TSHR: variants seen among roughly 807,000 people sequenced by gnomAD.
TSHR encodes the protein thyroid stimulating hormone receptor, also known as thyrotropin receptor.
TSHR carries 51 observed loss-of-function variants against 64.1 expected under a neutral mutation model. That is an observed-to-expected ratio of 0.80 (90% CI 0.64 to 1.01). TSHR has a LOEUF of 1.01. Ranked by LOEUF, TSHR falls within the 50% of genes least tolerant of loss-of-function variation. TSHR has a pLI of 0.00. For missense variants in TSHR, 877 were observed against 942.8 expected, an observed-to-expected ratio of 0.93 and a Z score of 0.91; for synonymous variants, 361 against 361.9, an observed-to-expected ratio of 1.00 and a Z score of 0.03.
intron 1 of TSHR, among the ~76,000 whole-genome samples, chr14:80,999,932 TTTC>T (rs1270202344): frequency 4.0e-5 from 6 of 149,636 alleles, no homozygotes; most frequent in African/African-American, 9.9e-5. Context: ...TTTTCTTTTT[TTTC>T]TTTTTTTTTT....
intron 1 of TSHR, among the ~76,000 whole-genome samples, chr14:80,957,231 C>T (rs1416784191): frequency 6.6e-6 from 1 of 152,136 alleles, no homozygotes; most frequent in Non-Finnish European, 1.5e-5. Flanking sequence ...CTGGATCAAC[C>T]CTGCAGGAAG....
intron 9 of TSHR, among the ~76,000 whole-genome samples, chr14:81,140,543 C>T (rs910587658): frequency 6.6e-6 from 1 of 152,172 alleles, no homozygotes. Context: ...CTATGATATA[C>T]AGTATGTGCA....
At chr14:81,136,530 A>C (rs1192212544) in intron 8 of TSHR, among the ~76,000 whole-genome samples, 2 of 152,300 alleles carry the variant, frequency 1.3e-5, no homozygotes, top group East Asian at 3.9e-4. Context: ...TGAAAAGATA[A>C]GTTTTGAAAG....
intron 1 of TSHR, among the ~76,000 whole-genome samples, chr14:80,970,906 C>G (rs1566742168): frequency 6.6e-6 from 1 of 152,174 alleles, no homozygotes; most frequent in Non-Finnish European, 1.5e-5. Flanking sequence ...ATTAGCTTGG[C>G]TTGTGGCAAC....
intron 1 of TSHR, among the ~76,000 whole-genome samples, chr14:80,975,103 A>G (rs765564095): frequency 1.3e-5 from 2 of 152,236 alleles, no homozygotes; most frequent in Non-Finnish European, 2.9e-5. Context: ...TAGGAAGACC[A>G]AGGACATCAT....
chr14:80,955,874 G>GT (rs751884077), intron 1 of TSHR, 24 bp downstream of exon 1: 1 of 1,613,906 alleles, frequency 6.2e-7, no homozygotes, highest in African/African-American at 1.3e-5. Context: ...AGAGATCAGG[G>GT]TAGGACCCAG....
intron 1 of TSHR, chr14:81,001,871 C>T (rs750633147): frequency 2.2e-5 from 5 of 225,872 alleles, no homozygotes; most frequent in Non-Finnish European, 3.5e-5. Context: ...TGCCTGCCTT[C>T]TCTTTTCACA....
Position 81,139,704 on chromosome 14 carries a change from GCCCTT to G in TSHR, c.721_725del (p.Leu241IlefsTer19). The G allele has an allele frequency of 6.2e-7, 1 of 1,614,144 alleles. No individual in the cohort carries two copies. The highest frequency in any genetic ancestry group is 8.5e-7 in the Non-Finnish European group (1 of 1,180,026). ...GGACGTGTCTCAAACCAGTGTCACTGCCCTTCCATCCAAAGGCCTGGAGCACCTGA... is the reference window on the plus strand; with the variant it reads ...GGACGTGTCTCAAACCAGTGTCACTGCCATCCAAAGGCCTGGAGCACCTGA... On this transcript the variant is annotated frameshift_variant, in exon 9 of 10. Transcript: ENST00000298171. LOFTEE classifies it high-confidence loss of function.
At chr14:81,026,805 G>A (rs2139812858) in intron 1 of TSHR, among the ~76,000 whole-genome samples, 1 of 152,258 alleles carries the variant, frequency 6.6e-6, no homozygotes, top group South Asian at 2.1e-4. Context: ...GAAGGTAGAG[G>A]CAGGCAGATC....
rs370121689 is a variant in TSHR at position 81,145,247 on chromosome 14, T to G, written c.*894T>G. The G allele has an allele frequency of 1.7e-5, 4 of 233,080 alleles. No individual in the cohort carries two copies. The East Asian group carries it at 1.8e-4, about 11-fold the overall frequency. The allele number at this position is 233,080 out of a possible 1,614,324, so 14.4% of individuals were successfully genotyped here. ...AAGGAGTCCAATAGCTTCTTCCAAT[T>G]TTAAAACTCTAGTACATCCCTTTCC... On this transcript the variant is annotated 3_prime_UTR_variant, in exon 10 of 10. Transcript: ENST00000298171.
At chr14:81,068,410 G>C in intron 3 of TSHR, 82 bp downstream of exon 3, 4 of 1,334,156 alleles carry the variant, frequency 3.0e-6, no homozygotes, top group Non-Finnish European at 4.3e-6. Context: ...ATGGCAATGG[G>C]AGCTGGTTTC....
chr14:81,001,250 C>A (rs2268464), intron 1 of TSHR: 23,710 of 184,586 alleles, frequency 0.13, 1,925 homozygotes, highest in East Asian at 0.37. Flanking sequence ...TATGTTGCAG[C>A]AATATCAGCA....
intron 8 of TSHR, among the ~76,000 whole-genome samples, chr14:81,131,444 A>G (rs189790094): frequency 6.6e-6 from 1 of 152,254 alleles, no homozygotes; most frequent in Admixed American, 6.5e-5. Flanking sequence ...CAGCCTTTTG[A>G]TCTCACTTCC....
rs267604071 is a variant in TSHR, at chr14:81,144,108, G to A, written c.2050G>A (p.Ala684Thr). 1 of 1,614,038 alleles carries A rather than the reference G, an allele frequency of 6.2e-7. No individual in the cohort carries two copies. Among genetic ancestry groups the A allele is most frequent in the Non-Finnish European group, 8.5e-7 (1 of 1,180,014 alleles). The change falls in exon 10 of 10, where the codon GCC (alanine) becomes ACC (threonine). Residue 684 changes from alanine to threonine, a missense_variant. Ala to Thr is a moderately conservative substitution (Grantham distance 58, BLOSUM62 0). Transcript: ENST00000298171. Reference sequence around the variant, plus strand: ...ATTCCTCTATGCTATTTTCACCAAGGCCTTCCAGAGGGATGTGTTCATCCT... The same window carrying A: ...ATTCCTCTATGCTATTTTCACCAAGACCTTCCAGAGGGATGTGTTCATCCT... ...NPFLYAIFTK[A>T]FQRDVFILLS...
At chr14:80,959,709 T>C (rs1236627650) in intron 1 of TSHR, among the ~76,000 whole-genome samples, 1 of 152,206 alleles carries the variant, frequency 6.6e-6, no homozygotes, top group Non-Finnish European at 1.5e-5. Context: ...CCTTCAGATA[T>C]GTTTCTGAAG....
At chr14:81,138,760 T>C (rs551754554) in intron 8 of TSHR, among the ~76,000 whole-genome samples, 1 of 152,320 alleles carries the variant, frequency 6.6e-6, no homozygotes, top group African/African-American at 2.4e-5. Context: ...CTATTAATTA[T>C]ATTAAATATT....
intron 8 of TSHR, among the ~76,000 whole-genome samples, chr14:81,111,281 A>G (rs1294522512): frequency 2.6e-5 from 4 of 152,234 alleles, no homozygotes; most frequent in Non-Finnish European, 5.9e-5. Context: ...GTTTAGTTGA[A>G]GTAGCTGGCT....
In TSHR at chr14:81,143,328, G is replaced by T. The variant is rs587778742; in HGVS notation, c.1270G>T (p.Val424Phe). 8.1e-6 allele frequency: 13 copies of T among 1,614,068 alleles called. No individual in the cohort carries two copies. The highest frequency in any genetic ancestry group is 1.7e-5 in the Admixed American group (1 of 60,006). ...GTTCCTGAGAATTGTGGTGTGGTTC[G>T]TTAGTCTGCTGGCTCTCCTGGGCAA... ...YKFLRIVVWF[V>F]SLLALLGNVF... Residue 424 changes from valine (V) to phenylalanine (F), a missense_variant, in exon 10 of 10, where the codon GTT becomes TTT. Val to Phe is a conservative substitution (Grantham distance 50, BLOSUM62 -1). Transcript: ENST00000298171.
intron 8 of TSHR, among the ~76,000 whole-genome samples, chr14:81,110,344 C>T (rs1168649831): frequency 6.6e-6 from 1 of 152,104 alleles, no homozygotes; most frequent in Non-Finnish European, 1.5e-5. Flanking sequence ...CAGGTGGCCT[C>T]ATAAGACAAG....
Sources: allele counts gnomAD v4.1 joint callset (sites outside exome capture counted in the v4.1 genomes callset), GRCh38; gene constraint gnomAD v4.1.1; transcripts MANE v1.5; gene names NCBI Gene and HGNC (gene_info 2026-07-23, HGNC 2026-07-21).